Variants in SUGCT observed in about 807,000 individuals in gnomAD.
SUGCT encodes succinyl-CoA:glutarate-CoA transferase.
In SUGCT, 41 loss-of-function variants were observed where a neutral mutation model predicts 55.0. That is an observed-to-expected ratio of 0.74 (90% CI 0.58 to 0.97). SUGCT has a LOEUF of 0.97. SUGCT is among the 50% of genes least tolerant of loss of function. The pLI, the probability that SUGCT is intolerant of heterozygous loss-of-function variation, is 0.00. For synonymous variants in SUGCT, 187 were observed against 200.4 expected (o/e 0.93, Z 0.56); for missense variants, 568 against 547.8 (o/e 1.04, Z -0.37).
chr7:40,562,319 A>T (rs1423111232), intron 12 of SUGCT, among the ~76,000 whole-genome samples: 2 of 148,786 alleles, frequency 1.3e-5, no homozygotes, highest in African/African-American at 4.9e-5. Flanking sequence ...AAAAAAGGTG[A>T]ATGCCACTTT....
chr7:40,303,223 G>T (rs1351339633), intron 8 of SUGCT, among the ~76,000 whole-genome samples: 1 of 151,546 alleles, frequency 6.6e-6, no homozygotes, highest in Non-Finnish European at 1.5e-5. Flanking sequence ...TAGTAGAGAT[G>T]GGGTTTCATC....
chr7:40,377,232 TCCC>T (rs1371097489), intron 9 of SUGCT, among the ~76,000 whole-genome samples: 1,291 of 15,502 alleles, frequency 0.083, 516 homozygotes, highest in East Asian at 0.63. Context: ...CTTTCTTTCT[TCCC>T]TTCCTTCCTT....
At chr7:40,328,070 T>G (rs1796106705) in intron 9 of SUGCT, among the ~76,000 whole-genome samples, 1 of 152,170 alleles carries the variant, frequency 6.6e-6, no homozygotes, top group Admixed American at 6.6e-5. Context: ...GCATGTTTAG[T>G]TTCATTTTCT....
chr7:40,727,361 T>C (rs1786663341), intron 12 of SUGCT, among the ~76,000 whole-genome samples: 2 of 152,226 alleles, frequency 1.3e-5, no homozygotes, highest in Admixed American at 6.5e-5. Context: ...TTTTGGAAAC[T>C]GTTTGCCAAG....
At chr7:40,751,046 A>G (rs1787987856) in intron 13 of SUGCT, among the ~76,000 whole-genome samples, 1 of 152,252 alleles carries the variant, frequency 6.6e-6, no homozygotes, top group Non-Finnish European at 1.5e-5. Flanking sequence ...GTGCAAAGAA[A>G]GAAAGAAGAA....
At chr7:40,735,502 A>G (rs1787108789) in intron 12 of SUGCT, among the ~76,000 whole-genome samples, 3 of 152,294 alleles carry the variant, frequency 2.0e-5, no homozygotes, top group Non-Finnish European at 4.4e-5. Context: ...ATTAGAAAAC[A>G]TGCATGCAGA....
chr7:40,796,387 T>C lies in SUGCT; in HGVS notation c.1153+46890T>C, dbSNP rs530883939. Among the ~76,000 whole-genome samples the C allele has an allele frequency of 2.0e-5, 3 of 152,306 alleles. No individual in the cohort carries two copies. The South Asian group carries it at 6.2e-4, about 32-fold the overall frequency. ...AGTGACCTGGACATTTCTGAGAAGA[T>C]GCTTGGGAGGATGGCAACTTGGTAG... On this transcript the variant is annotated intron_variant, in intron 13 of 13. Transcript: ENST00000335693.
chr7:40,932,465 G>T, the SUGCT span, among the ~76,000 whole-genome samples: 7,275 of 152,184 alleles, frequency 0.048, 277 homozygotes, highest in Non-Finnish European at 0.07. Flanking sequence ...CTGAGTTCAA[G>T]TCCTGGATAT....
chr7:40,694,619 G>C (rs1385320910), intron 12 of SUGCT, among the ~76,000 whole-genome samples: 5 of 152,240 alleles, frequency 3.3e-5, no homozygotes, highest in Admixed American at 2.6e-4. Context: ...AGTGATTCAC[G>C]TTGTTAGTGA....
At chr7:40,601,951 G>T (rs369026589) in intron 12 of SUGCT, among the ~76,000 whole-genome samples, 3 of 152,136 alleles carry the variant, frequency 2.0e-5, no homozygotes, top group African/African-American at 7.2e-5. Context: ...GCATTTTAAA[G>T]CACTCAACAT....
At chr7:41,008,948 G>T in the SUGCT span, among the ~76,000 whole-genome samples, 1 of 152,052 alleles carries the variant, frequency 6.6e-6, no homozygotes, top group Admixed American at 6.5e-5. Context: ...TGGGTCTTGC[G>T]AGAATATGAT....
intron 12 of SUGCT, among the ~76,000 whole-genome samples, chr7:40,657,690 A>G (rs1801094712): frequency 6.6e-6 from 1 of 152,144 alleles, no homozygotes. Context: ...ACCCGCCACT[A>G]GGCCCAGCTA....
intron 9 of SUGCT, among the ~76,000 whole-genome samples, chr7:40,435,141 A>C (rs897131090): frequency 1.4e-4 from 21 of 152,182 alleles, no homozygotes; most frequent in Non-Finnish European, 2.6e-4. Flanking sequence ...AGCTATGTGG[A>C]AAGGGTACAA....
intron 7 of SUGCT, among the ~76,000 whole-genome samples, chr7:40,257,416 G>C (rs1664886769): frequency 6.6e-6 from 1 of 151,974 alleles, no homozygotes; most frequent in South Asian, 2.1e-4. Context: ...CTGTAATACT[G>C]AGTTGGTTTA....
intron 12 of SUGCT, among the ~76,000 whole-genome samples, chr7:40,709,587 G>T (rs1785599018): frequency 1.3e-5 from 2 of 152,152 alleles, no homozygotes; most frequent in African/African-American, 2.4e-5. Flanking sequence ...ATCTCTCCTT[G>T]TTCTGCCTAG....
At chr7:40,621,103 A>G (rs930239040) in intron 12 of SUGCT, among the ~76,000 whole-genome samples, 4 of 152,110 alleles carry the variant, frequency 2.6e-5, no homozygotes, top group Non-Finnish European at 4.4e-5. Context: ...TATTCCTTCT[A>G]TCATCACAGG....
At chr7:40,203,714 G>A (rs371520920) in intron 6 of SUGCT, among the ~76,000 whole-genome samples, 3 of 151,708 alleles carry the variant, frequency 2.0e-5, no homozygotes, top group African/African-American at 7.3e-5. Flanking sequence ...GGCGGAAGTT[G>A]CAGTGAGCTG....
chr7:40,237,112 C>T (rs563208056), intron 6 of SUGCT, among the ~76,000 whole-genome samples: 9 of 151,596 alleles, frequency 5.9e-5, no homozygotes, highest in East Asian at 2.0e-4. Flanking sequence ...GGATTACAGG[C>T]GTGAGCCACC....
At chr7:40,492,659 G>A (rs1791751837) in intron 11 of SUGCT, among the ~76,000 whole-genome samples, 1 of 152,176 alleles carries the variant, frequency 6.6e-6, no homozygotes, top group African/African-American at 2.4e-5. Context: ...CTACCTGGAA[G>A]AGCCTTTCTC....
Sources: gnomAD v4.1 joint callset for allele counts (sites outside exome capture counted in the v4.1 genomes callset) on GRCh38, gnomAD v4.1.1 for gene constraint, MANE v1.5 for transcripts, NCBI Gene and HGNC (gene_info 2026-07-23, HGNC 2026-07-21) for gene names.